Variants in PTPRD observed in about 807,000 individuals in gnomAD.
PTPRD encodes receptor-type tyrosine-protein phosphatase delta.
A neutral mutation model predicts 214.5 loss-of-function variants in PTPRD; 34 were observed. The observed-to-expected ratio is 0.16, with a 90% CI of 0.12 to 0.21. The LOEUF is 0.21. Among genes scored for constraint, PTPRD ranks in the 10% least tolerant of loss-of-function variants. The pLI, the probability that PTPRD is intolerant of heterozygous loss-of-function variation, is 1.00. For synonymous variants in PTPRD, 1,128 were observed against 845.7 expected, an observed-to-expected ratio of 1.33 and a Z score of -5.79; for missense variants, 2,545 against 2,398.7, an observed-to-expected ratio of 1.06 and a Z score of -1.27.
intron 5 of PTPRD, among the ~76,000 whole-genome samples, chr9:9,882,097 C>T (rs1196752977): frequency 6.6e-6 from 1 of 152,060 alleles, no homozygotes; most frequent in African/African-American, 2.4e-5. Flanking sequence ...TTTCCAATGA[C>T]CTGTATTTAA....
chr9:8,373,892 A>G (rs560575730), intron 39 of PTPRD, among the ~76,000 whole-genome samples: 14 of 129,408 alleles, frequency 1.1e-4, no homozygotes, highest in African/African-American at 3.1e-4. Flanking sequence ...CTATCTATCT[A>G]TCTATCTATC....
intron 8 of PTPRD, among the ~76,000 whole-genome samples, chr9:9,403,563 A>G (rs2071875952): frequency 6.6e-6 from 1 of 152,030 alleles, no homozygotes; most frequent in African/African-American, 2.4e-5. Context: ...GTTCTCTTAC[A>G]TTGTAAAAAA....
intron 3 of PTPRD, among the ~76,000 whole-genome samples, chr9:10,096,668 ATT>A (rs1306622113): frequency 6.6e-6 from 1 of 151,922 alleles, no homozygotes; most frequent in Non-Finnish European, 1.5e-5. Context: ...GGTTGCAAAA[ATT>A]CTCTCCCATT....
At chr9:9,688,433 T>G (rs1443267227) in intron 7 of PTPRD, among the ~76,000 whole-genome samples, 1 of 151,886 alleles carries the variant, frequency 6.6e-6, no homozygotes, top group African/African-American at 2.4e-5. Context: ...GGCCCCAATA[T>G]GTATTTGGTT....
intron 2 of PTPRD, among the ~76,000 whole-genome samples, chr9:10,554,730 G>A (rs2062088538): frequency 6.6e-6 from 1 of 151,738 alleles, no homozygotes; most frequent in East Asian, 1.9e-4. Context: ...GCACCATCTT[G>A]GCTCCCTGCA....
intron 20 of PTPRD, among the ~76,000 whole-genome samples, chr9:8,519,652 T>C (rs1221877235): frequency 6.6e-6 from 1 of 152,230 alleles, no homozygotes; most frequent in Non-Finnish European, 1.5e-5. Flanking sequence ...GGTAGGTTTT[T>C]AATGAGAATC....
At chr9:8,586,333 TATAA>T (rs898963494) in intron 14 of PTPRD, among the ~76,000 whole-genome samples, 14 of 152,164 alleles carry the variant, frequency 9.2e-5, no homozygotes, top group African/African-American at 2.9e-4. Flanking sequence ...TCTTGTGTAT[TATAA>T]ATAGACTCTA....
intron 2 of PTPRD, among the ~76,000 whole-genome samples, chr9:10,451,094 G>C (rs1171593907): frequency 2.0e-5 from 3 of 151,660 alleles, no homozygotes; most frequent in Non-Finnish European, 4.4e-5. Flanking sequence ...CATATTAAGA[G>C]GTTTTAAAAG....
chr9:9,258,198 A>G (rs2099978586), intron 9 of PTPRD, among the ~76,000 whole-genome samples: 1 of 151,938 alleles, frequency 6.6e-6, no homozygotes, highest in South Asian at 2.1e-4. Context: ...AATAAGTGAA[A>G]GTGACAGTAG....
intron 10 of PTPRD, among the ~76,000 whole-genome samples, chr9:9,023,633 G>T (rs995467166): frequency 5.3e-5 from 8 of 151,930 alleles, no homozygotes; most frequent in Admixed American, 3.3e-4. Context: ...TACCCACTAG[G>T]CAGCTTTTCA....
chr9:10,337,504 T>G (rs574674032), intron 3 of PTPRD, among the ~76,000 whole-genome samples: 1 of 151,706 alleles, frequency 6.6e-6, no homozygotes, highest in Non-Finnish European at 1.5e-5. Flanking sequence ...GCATAACATT[T>G]TAACATATGG....
At chr9:10,059,027 T>C (rs1281258431) in intron 3 of PTPRD, among the ~76,000 whole-genome samples, 1 of 152,146 alleles carries the variant, frequency 6.6e-6, no homozygotes, top group Non-Finnish European at 1.5e-5. Flanking sequence ...ACTTTGAACA[T>C]GTATGTACAT....
intron 14 of PTPRD, among the ~76,000 whole-genome samples, chr9:8,557,720 G>C (rs1304453818): frequency 1.4e-5 from 2 of 140,190 alleles, no homozygotes; most frequent in Non-Finnish European, 3.0e-5. Context: ...TCCAGCCTGG[G>C]TGACAGAGCG....
intron 7 of PTPRD, among the ~76,000 whole-genome samples, chr9:9,583,393 G>C (rs988638516): frequency 2.6e-5 from 4 of 152,112 alleles, no homozygotes; most frequent in South Asian, 4.1e-4. Flanking sequence ...GTTTGATGCT[G>C]TATTGAAAAG....
At chr9:8,587,950 C>T (rs1182927291) in intron 14 of PTPRD, among the ~76,000 whole-genome samples, 2 of 152,186 alleles carry the variant, frequency 1.3e-5, no homozygotes, top group African/African-American at 4.8e-5. Flanking sequence ...TAAATAATAG[C>T]TCTGTGCATC....
At chr9:10,024,264 T>C (rs2096878635) in intron 4 of PTPRD, among the ~76,000 whole-genome samples, 1 of 152,146 alleles carries the variant, frequency 6.6e-6, no homozygotes, top group Non-Finnish European at 1.5e-5. Context: ...TTATGCACTA[T>C]TACCTAAATA....
intron 5 of PTPRD, among the ~76,000 whole-genome samples, chr9:9,903,067 T>G (rs953787780): frequency 7.4e-6 from 1 of 135,450 alleles, no homozygotes; most frequent in Non-Finnish European, 1.6e-5. Flanking sequence ...ATATGTGTAT[T>G]TGAGCTAAAG....
chr9:9,162,712 A>G (rs1413314152), intron 10 of PTPRD, among the ~76,000 whole-genome samples: 1 of 152,084 alleles, frequency 6.6e-6, no homozygotes, highest in Non-Finnish European at 1.5e-5. Context: ...CCTTCAACAC[A>G]AACTACCTCT....
intron 35 of PTPRD, among the ~76,000 whole-genome samples, chr9:8,435,729 ACG>A (rs1491389038): frequency 5.4e-5 from 8 of 147,210 alleles, no homozygotes; most frequent in South Asian, 2.2e-4. Flanking sequence ...ACACACACAC[ACG>A]CACGCACGTG....
Sources: gnomAD v4.1 joint callset for allele counts (sites outside exome capture counted in the v4.1 genomes callset) on GRCh38, gnomAD v4.1.1 for gene constraint, MANE v1.5 for transcripts, NCBI Gene and HGNC (gene_info 2026-07-23, HGNC 2026-07-21) for gene names.